TTC23: variants seen among roughly 807,000 people sequenced by gnomAD.
TTC23 encodes the protein tetratricopeptide repeat domain 23.
In TTC23, 58 loss-of-function variants were observed where a neutral mutation model predicts 55.1. That is an observed-to-expected ratio of 1.05 (90% CI 0.85 to 1.31). The LOEUF is 1.31. Ranked by LOEUF, TTC23 falls within the 50% of genes most tolerant of loss-of-function variation. The pLI, the probability that TTC23 is intolerant of heterozygous loss-of-function variation, is 0.00. For synonymous variants in TTC23, 203 were observed against 199.9 expected, an observed-to-expected ratio of 1.02 and a Z score of -0.13; for missense variants, 516 against 534.4, an observed-to-expected ratio of 0.97 and a Z score of 0.34.
Position 99,175,139 on chromosome 15 carries a change from A to C in TTC23, c.776T>G (p.Leu259Arg). ...CTCCACTTGAGAGGGGCTTCTACTC[A>C]GGATGATAAGATGTGCCTGTCACCA... ...NHFLQAHLIILSRSPSQVEAA... is the reference protein window; with the variant it reads ...NHFLQAHLIIRSRSPSQVEAA... Residue 259 changes from leucine to arginine, a missense_variant, in exon 10 of 14, where the codon CTG becomes CGG. Physicochemically the swap from Leu to Arg is moderately radical, Grantham distance 102 (BLOSUM62 -2). Coordinates refer to ENST00000394132, the MANE Select transcript of TTC23 (RefSeq NM_001288615.3). 1 of 1,614,128 alleles carries C rather than the reference A, an allele frequency of 6.2e-7. No individual in the cohort carries two copies. Among genetic ancestry groups the C allele is most frequent in the Non-Finnish European group, 8.5e-7 (1 of 1,179,986 alleles).
At chr15:99,149,538 C>G (rs1596258383) in intron 12 of TTC23, among the ~76,000 whole-genome samples, 1 of 152,232 alleles carries the variant, frequency 6.6e-6, no homozygotes, top group African/African-American at 2.4e-5. Flanking sequence ...GGGAAACTGG[C>G]CAACATGCAG....
At chr15:99,221,654 T>G in intron 6 of TTC23, 87 bp downstream of exon 6, 1 of 1,539,218 alleles carries the variant, frequency 6.5e-7, no homozygotes, top group Non-Finnish European at 8.8e-7. Context: ...TTAAAAAACC[T>G]GATCCTTCTA....
At chr15:99,183,709 G>C (rs1316108062) in intron 9 of TTC23, among the ~76,000 whole-genome samples, 1 of 152,064 alleles carries the variant, frequency 6.6e-6, no homozygotes, top group Non-Finnish European at 1.5e-5. Context: ...AAAATTTGTA[G>C]CCTGACAATG....
chr15:99,200,557 T>C (rs1459395362), intron 8 of TTC23, among the ~76,000 whole-genome samples: 1 of 152,228 alleles, frequency 6.6e-6, no homozygotes, highest in Non-Finnish European at 1.5e-5. Context: ...ACTGATCTGT[T>C]GAGAAATTTT....
At chr15:99,175,223 C>T (rs1192370198) in intron 9 of TTC23, 68 bp from the exon 10 acceptor site, 1 of 1,302,144 alleles carries the variant, frequency 7.7e-7, no homozygotes, top group Non-Finnish European at 1.1e-6. Flanking sequence ...ATTAACTGTC[C>T]TTGCAGAGAT....
At chr15:99,139,040 C>T (rs2067896479) in intron 13 of TTC23, 24 of 478,462 alleles carry the variant, frequency 5.0e-5, no homozygotes, top group South Asian at 4.8e-4. Context: ...CGGGGCCCTC[C>T]CCCTGCAGCA....
intron 9 of TTC23, among the ~76,000 whole-genome samples, chr15:99,199,684 A>T (rs1377267): frequency 1.3e-5 from 2 of 151,960 alleles, no homozygotes; most frequent in East Asian, 1.9e-4. Context: ...AACCCCCTTT[A>T]GAGCATCTCA....
chr15:99,212,778 G>A (rs1035727950), intron 8 of TTC23, among the ~76,000 whole-genome samples: 2 of 152,006 alleles, frequency 1.3e-5, no homozygotes, highest in African/African-American at 2.4e-5. Context: ...CAGGAGGATC[G>A]CTTGAGCCCA....
chr15:99,250,086 C>G (rs2080597335), upstream of TTC23, among the ~76,000 whole-genome samples: 1 of 151,960 alleles, frequency 6.6e-6, no homozygotes, highest in African/African-American at 2.4e-5. Flanking sequence ...GGGGGTGTAA[C>G]TCTTCATATA....
chr15:99,217,127 C>T (rs915244515), intron 8 of TTC23, among the ~76,000 whole-genome samples: 15 of 151,638 alleles, frequency 9.9e-5, no homozygotes, highest in African/African-American at 3.1e-4. Context: ...ATGATACATA[C>T]GCTACAAATT....
intron 10 of TTC23, among the ~76,000 whole-genome samples, chr15:99,171,929 C>A (rs1380379543): frequency 1.3e-5 from 2 of 152,090 alleles, no homozygotes; most frequent in Non-Finnish European, 1.5e-5. Context: ...ATGCAGAAGT[C>A]ACCCCCTTTC....
At chr15:99,166,597 A>G (rs2072130440) in intron 10 of TTC23, among the ~76,000 whole-genome samples, 1 of 152,262 alleles carries the variant, frequency 6.6e-6, no homozygotes, top group African/African-American at 2.4e-5. Context: ...TCAAAGTGAC[A>G]GAAGGCCAGG....
At chr15:99,201,721 A>C (rs1596613717) in intron 8 of TTC23, among the ~76,000 whole-genome samples, 1 of 152,318 alleles carries the variant, frequency 6.6e-6, no homozygotes, top group East Asian at 1.9e-4. Context: ...TAATCTGGGA[A>C]GGAAAAAGAT....
chr15:99,221,702 A>G (rs368631432), intron 6 of TTC23, 39 bp downstream of exon 6: 154 of 1,611,940 alleles, frequency 9.6e-5, no homozygotes, highest in Non-Finnish European at 1.3e-4. Context: ...AACAGCAGAA[A>G]TCGACCAACT....
intron 5 of TTC23, among the ~76,000 whole-genome samples, chr15:99,225,078 T>C (rs2078278518): frequency 6.6e-6 from 1 of 152,184 alleles, no homozygotes; most frequent in Non-Finnish European, 1.5e-5. Flanking sequence ...TCTGTTTTGA[T>C]AGTGAATCTG....
intron 4 of TTC23, 45 bp from the exon 5 acceptor site, chr15:99,228,777 T>C (rs1458818586): frequency 7.2e-7 from 1 of 1,395,084 alleles, no homozygotes; most frequent in Non-Finnish European, 9.6e-7. Context: ...ATAATTTCCA[T>C]AGTTACTTTT....
rs1567347246 is a variant in TTC23, at chr15:99,156,303, A to T, written c.994-6T>A. 6.2e-7 allele frequency: 1 copy of T among 1,613,040 alleles called. No individual in the cohort carries two copies. The highest frequency in any genetic ancestry group is 8.5e-7 in the Non-Finnish European group (1 of 1,179,262). ...CTCAGGATCGAGGTTGCTCTCTGTG[A>T]AAGGAACAAAAAGCTATCTGGTTAA... On this transcript the variant is annotated splice_polypyrimidine_tract_variant and splice_region_variant and intron_variant, in intron 11 of 13. Coordinates refer to ENST00000394132, the MANE Select transcript of TTC23 (RefSeq NM_001288615.3).
chr15:99,244,719 G>A (rs2080093810), intron 2 of TTC23, among the ~76,000 whole-genome samples: 1 of 152,002 alleles, frequency 6.6e-6, no homozygotes, highest in Non-Finnish European at 1.5e-5. Context: ...TTGATGTATC[G>A]ATTTAATGTA....
intron 9 of TTC23, among the ~76,000 whole-genome samples, chr15:99,187,462 A>AAAAAAAAAAAAAAAAAAAG (rs1230105824): frequency 4.5e-5 from 6 of 132,546 alleles, no homozygotes; most frequent in Non-Finnish European, 6.6e-5. Flanking sequence ...CAAAAAAAAA[A>AAAAAAAAAAAAAAAAAAAG]AAAAAACAAA....
Sources: gnomAD v4.1 joint callset for allele counts (sites outside exome capture counted in the v4.1 genomes callset) on GRCh38, gnomAD v4.1.1 for gene constraint, MANE v1.5 for transcripts, NCBI Gene and HGNC (gene_info 2026-07-23, HGNC 2026-07-21) for gene names.